The following GLI2 variants were observed in gnomAD, a reference collection of about 807,000 sequenced individuals.
The protein encoded by GLI2 is GLI family zinc finger 2, also known as transcription activator GLI2.
A neutral mutation model predicts 78.9 loss-of-function variants in GLI2; 22 were observed. The observed-to-expected ratio is 0.28, with a 90% CI of 0.20 to 0.40. The LOEUF is 0.40. Ranked by LOEUF, GLI2 falls within the 10% of genes least tolerant of loss-of-function variation. The pLI, the probability that GLI2 is intolerant of heterozygous loss-of-function variation, is 1.00. For synonymous variants in GLI2, 974 were observed against 963.7 expected (o/e 1.01, Z -0.20); for missense variants, 2,097 against 2,213.2 (o/e 0.95, Z 1.05).
Position 120,989,348 on chromosome 2 carries a change from A to G in GLI2, c.3383A>G (p.Gln1128Arg). The G allele has an allele frequency of 6.2e-7, 1 of 1,613,014 alleles. No individual in the cohort carries two copies. The highest frequency in any genetic ancestry group is 8.5e-7 in the Non-Finnish European group (1 of 1,179,982). ...CTGAACAAAAATAACATGCCTGTGCAGTGGAATGAGGTGAGCTCCGGCACC... is the reference window on the plus strand; with the variant it reads ...CTGAACAAAAATAACATGCCTGTGCGGTGGAATGAGGTGAGCTCCGGCACC... ...SSLNKNNMPV[Q>R]WNEVSSGTVD... The change falls in exon 14 of 14, where the codon CAG becomes CGG. Residue 1128 changes from glutamine (Q) to arginine (R), a missense_variant. By Grantham distance (43) the Gln-to-Arg change is conservative (BLOSUM62 1). Coordinates refer to ENST00000361492, the MANE Select transcript of GLI2 (RefSeq NM_001374353.1).
chr2:120,951,831 G>GC (rs1312110119), intron 4 of GLI2: 1 of 174,592 alleles, frequency 5.7e-6, no homozygotes, highest in Non-Finnish European at 1.2e-5. Context: ...GCTGCTGCCT[G>GC]CGTCTCTGTT....
At chr2:120,911,577 G>C (rs1678820951) in intron 2 of GLI2, among the ~76,000 whole-genome samples, 1 of 152,162 alleles carries the variant, frequency 6.6e-6, no homozygotes, top group Admixed American at 6.5e-5. Context: ...CTCGGGTTCT[G>C]TTTTCCAATA....
rs1682405286 is a variant in GLI2 at position 120,737,506 on chromosome 2, C to T, written c.-31+1221C>T. ...CCCAGCTGGAAAAGTAGACCTGTCC[C>T]TACTGTCTGGTCCCGCGCCCTGGGA... On this transcript the variant is annotated intron_variant, in intron 1 of 13. Transcript: ENST00000361492. This position sits in a 1 kb window ranked among gnomAD's most constrained non-coding sequence, Gnocchi z 4.3. Among the ~76,000 whole-genome samples, 1 of 152,188 alleles carries T rather than the reference C, an allele frequency of 6.6e-6. No individual in the cohort carries two copies. The highest frequency in any genetic ancestry group is 2.4e-5 in the African/African-American group (1 of 41,446).
chr2:120,979,334 A>G (rs1031337786), intron 10 of GLI2, among the ~76,000 whole-genome samples: 1 of 152,150 alleles, frequency 6.6e-6, no homozygotes, highest in Non-Finnish European at 1.5e-5. Context: ...GAAGGTCAAC[A>G]GGATTTATGA....
At chr2:120,878,180 A>G (rs561761324) in intron 2 of GLI2, among the ~76,000 whole-genome samples, 48 of 152,290 alleles carry the variant, frequency 3.2e-4, no homozygotes, top group African/African-American at 1.1e-3. Flanking sequence ...TCACTTACCT[A>G]TTTGTTCTTC....
intron 1 of GLI2, among the ~76,000 whole-genome samples, chr2:120,777,125 G>A (rs1307026263): frequency 6.6e-6 from 1 of 152,310 alleles, no homozygotes; most frequent in Non-Finnish European, 1.5e-5. Flanking sequence ...ATGTGAGAGT[G>A]GATGAATGTG....
chr2:120,919,290 G>A (rs890366238), intron 2 of GLI2, among the ~76,000 whole-genome samples: 1 of 152,248 alleles, frequency 6.6e-6, no homozygotes, highest in Non-Finnish European at 1.5e-5. Context: ...GTCCCCCATA[G>A]TGGGAACAAA....
chr2:120,779,867 G>T (rs1016175005), intron 1 of GLI2, among the ~76,000 whole-genome samples: 3 of 152,202 alleles, frequency 2.0e-5, no homozygotes, highest in Non-Finnish European at 4.4e-5. Flanking sequence ...TCCCAGCCCG[G>T]GAGAGTGCAG....
intron 1 of GLI2, among the ~76,000 whole-genome samples, chr2:120,750,711 T>C (rs1034854840): frequency 1.3e-5 from 2 of 152,240 alleles, no homozygotes; most frequent in African/African-American, 2.4e-5. Flanking sequence ...GTTTACACCA[T>C]AGTTCCCATC....
At chr2:120,927,131 T>C (rs768893735) in intron 2 of GLI2, among the ~76,000 whole-genome samples, 21 of 152,258 alleles carry the variant, frequency 1.4e-4, no homozygotes, top group Non-Finnish European at 2.4e-4. Flanking sequence ...TGCTTGTCTT[T>C]GTCAAGAGCG....
At chr2:120,970,796 G>A (rs988621696) in intron 7 of GLI2, among the ~76,000 whole-genome samples, 190 bp downstream of exon 7, 1 of 152,208 alleles carries the variant, frequency 6.6e-6, no homozygotes, top group African/African-American at 2.4e-5. Flanking sequence ...GAAGCTCCCA[G>A]CTTCTTGATT....
rs559756477 is a variant in GLI2 at position 120,962,304 on chromosome 2, T to A, written c.644-6410T>A. On this transcript the variant is annotated intron_variant, in intron 5 of 13. Coordinates refer to ENST00000361492, the MANE Select transcript of GLI2 (RefSeq NM_001374353.1). ...GCACCTTGGGATTCTCTAGAATAAT[T>A]CTGCTTAGATGGCACCTTGCAAATC... is the stretch of plus-strand genomic sequence containing the variant. Among the ~76,000 whole-genome samples the A allele has an allele frequency of 5.3e-5, 8 of 152,254 alleles. No homozygotes were observed. In the East Asian group the frequency reaches 1.2e-3, roughly 22 times the overall value.
At chr2:120,766,484 A>G (rs1456736338) in intron 1 of GLI2, among the ~76,000 whole-genome samples, 1 of 152,174 alleles carries the variant, frequency 6.6e-6, no homozygotes, top group Non-Finnish European at 1.5e-5. Context: ...TGCCCTGGGC[A>G]GAGAAGAAAA....
chr2:120,856,032 T>C (rs921000487), intron 2 of GLI2, among the ~76,000 whole-genome samples: 1 of 152,208 alleles, frequency 6.6e-6, no homozygotes, highest in African/African-American at 2.4e-5. Context: ...GCAAGGTCAC[T>C]GTGCTTGTCC....
chr2:120,932,859 GGGGACTGT>G (rs1487454779), intron 3 of GLI2, among the ~76,000 whole-genome samples: 4 of 152,208 alleles, frequency 2.6e-5, no homozygotes, highest in African/African-American at 9.7e-5. Context: ...TTGACTGTCT[GGGGACTGT>G]GGCACAGAAG....
At chr2:120,974,844 A>G (rs982177047) in intron 8 of GLI2, 131 bp from the exon 9 acceptor site, 1 of 1,237,262 alleles carries the variant, frequency 8.1e-7, no homozygotes, top group Non-Finnish European at 1.2e-6. Context: ...CACCTGTAAC[A>G]CACACACTTG....
chr2:120,932,024 C>G (rs941475290), intron 3 of GLI2, among the ~76,000 whole-genome samples: 2 of 152,180 alleles, frequency 1.3e-5, no homozygotes, highest in African/African-American at 4.8e-5. Context: ...TCTGGAAAGC[C>G]CATGCCCTCA....
At position 120,743,449 on chromosome 2, in the gene GLI2, AAAAAT is replaced by A. The variant is rs548069103; in HGVS notation, c.-31+7169_-31+7173del. On this transcript the variant is annotated intron_variant, in intron 1 of 13. Transcript: ENST00000361492. ...CGATACCCTGTCTCTACAAAAAAAT[AAAAAT>A]AAAAAAAGAAATCATCTTAAGAGCC... is the stretch of plus-strand genomic sequence containing the variant. 8.1e-3 allele frequency among the ~76,000 whole-genome samples: 1,236 copies of A among 152,216 alleles called. 19 individuals carry two copies. Among genetic ancestry groups the A allele is most frequent in the Non-Finnish European group, 7.7e-3 (527 of 68,002 alleles).
In GLI2 at chr2:120,986,327, C is replaced by G. The variant is rs1682972210; in HGVS notation, c.1955C>G (p.Ser652Cys). ...CAGTCGTCCTGCAGCAGCGAGCCCT[C>G]TCCTCTGGGCAGTGCCCCCAACAAT... The part of the protein sequence containing the change: ...GAQSSCSSEP[S>C]PLGSAPNNDS... Residue 652 changes from serine (S) to cysteine (C), a missense_variant, in exon 13 of 14, where the codon TCT becomes TGT. Transcript: ENST00000361492. 1 of 1,613,580 alleles carries G rather than the reference C, an allele frequency of 6.2e-7. No individual in the cohort carries two copies. The highest frequency in any genetic ancestry group is 8.5e-7 in the Non-Finnish European group (1 of 1,180,034).
Sources: allele counts gnomAD v4.1 joint callset (sites outside exome capture counted in the v4.1 genomes callset), GRCh38; gene constraint gnomAD v4.1.1; non-coding constraint Gnocchi (gnomAD v3.1); transcripts MANE v1.5; gene names NCBI Gene and HGNC (gene_info 2026-07-23, HGNC 2026-07-21).